Variants in NTRK1 observed in about 807,000 individuals in gnomAD.
The protein encoded by NTRK1 is neurotrophic receptor tyrosine kinase 1, also known as high affinity nerve growth factor receptor.
Under a neutral mutation model 86.8 loss-of-function variants are expected in NTRK1, and 62 were observed. That is an observed-to-expected ratio of 0.71 (90% confidence interval 0.58 to 0.88). The LOEUF (loss-of-function observed/expected upper bound fraction) is 0.88. Among genes scored for constraint, NTRK1 ranks in the 40% least tolerant of loss-of-function variants. NTRK1 has a pLI of 0.00. For synonymous variants in NTRK1, 469 were observed against 456.6 expected (o/e 1.03, Z -0.35); for missense variants, 967 against 1,078.4 (o/e 0.90, Z 1.45).
At chr1:156,845,343 C>G in intron 2 of NTRK1, 1 of 1,606,414 alleles carries the variant, frequency 6.2e-7, no homozygotes, top group Non-Finnish European at 8.5e-7. Flanking sequence ...AAAGCCACGC[C>G]CCTCAGCACC....
intron 2 of NTRK1, chr1:156,851,292 A>G (rs775912158): frequency 3.7e-6 from 6 of 1,614,110 alleles, no homozygotes; most frequent in Admixed American, 1.7e-5. Context: ...ACCCTTACCC[A>G]TCCACCATGG....
rs371254246 is a variant in NTRK1, at chr1:156,869,102, C to T, written c.717+455C>T. 5.2e-5 allele frequency among the ~76,000 whole-genome samples: 7 copies of T among 135,486 alleles called. No individual in the cohort carries two copies. The East Asian group carries it at 1.4e-3, about 27-fold the overall frequency. The allele number at this position is 135,486 out of a possible 152,430, so 88.9% of individuals were successfully genotyped here. On this transcript the variant is annotated intron_variant, in intron 6 of 16. Coordinates refer to ENST00000524377, the MANE Select transcript of NTRK1 (RefSeq NM_002529.4). ...TTCCTTCCTTCCTTTTATGGAGTTT[C>T]GCTCTGTTGCCCAGGCTGGAGTGCA...
intron 1 of NTRK1, chr1:156,841,061 G>A (rs779653748): frequency 2.3e-5 from 36 of 1,579,872 alleles, no homozygotes; most frequent in East Asian, 4.6e-5. Context: ...AAAGATGGGC[G>A]CAGGCGTGGG....
At chr1:156,876,668 G>T in intron 14 of NTRK1, 96 bp downstream of exon 14, 1 of 1,437,200 alleles carries the variant, frequency 7.0e-7, no homozygotes, top group Non-Finnish European at 9.5e-7. Flanking sequence ...TCAAACCAAG[G>T]GGAGACACCA....
intron 2 of NTRK1, among the ~76,000 whole-genome samples, chr1:156,850,188 C>T (rs781163857): frequency 1.3e-5 from 2 of 152,138 alleles, no homozygotes; most frequent in Non-Finnish European, 2.9e-5. Flanking sequence ...AGGCACGAGC[C>T]ACCGCATCTG....
rs962760831 is a variant in NTRK1, at chr1:156,864,583, G to C, written c.288-145G>C. On this transcript the variant is annotated intron_variant, in intron 2 of 16. Coordinates refer to ENST00000524377, the MANE Select transcript of NTRK1 (RefSeq NM_002529.4). ...GTCAGGAAGCTCAGGGCTTTGAGGG[G>C]TCTAGAGTAGTTGAGGAAACAATGA... 6.3e-6 allele frequency: 7 copies of C among 1,119,064 alleles called. No individual in the cohort carries two copies. In the East Asian group the frequency reaches 1.7e-4, roughly 28 times the overall value. The allele number at this position is 1,119,064 out of a possible 1,614,324, so 69.3% of individuals were successfully genotyped here.
intron 1 of NTRK1, among the ~76,000 whole-genome samples, chr1:156,862,260 C>T (rs889130820): frequency 1.3e-5 from 2 of 152,194 alleles, no homozygotes; most frequent in Non-Finnish European, 2.9e-5. Context: ...CTCAATCTCT[C>T]TCTCTAATAG....
At position 156,860,895 on chromosome 1, in the gene NTRK1, C is replaced by T; in HGVS notation, c.-40C>T. ...CCTGGCAGCTGCAGCTGGGAGCGCACAGACGGCTGCCCCGCCTGAGCGAGG... is the reference window on the plus strand; with the variant it reads ...CCTGGCAGCTGCAGCTGGGAGCGCATAGACGGCTGCCCCGCCTGAGCGAGG... On this transcript the variant is annotated 5_prime_UTR_variant, in exon 1 of 17. Coordinates refer to ENST00000524377, the MANE Select transcript of NTRK1 (RefSeq NM_002529.4). 1.4e-6 allele frequency: 2 copies of T among 1,409,870 alleles called. No individual in the cohort carries two copies. Among genetic ancestry groups the T allele is most frequent in the East Asian group, 2.9e-5 (1 of 34,832 alleles). The allele number at this position is 1,409,870 out of a possible 1,614,324, so 87.3% of individuals were successfully genotyped here. A position where few individuals can be genotyped will look rare whatever the true frequency, so the allele number is the denominator to read the frequency against.
intron 2 of NTRK1, chr1:156,845,487 C>T: frequency 1.3e-6 from 2 of 1,508,044 alleles, no homozygotes; most frequent in Non-Finnish European, 1.8e-6. Context: ...CGTACCGCCT[C>T]CAAAAGCACC....
At chr1:156,860,790 G>A, upstream of NTRK1, 2 of 1,328,216 alleles carry the variant, frequency 1.5e-6, no homozygotes, top group Non-Finnish European at 1.9e-6. Context: ...GGGCAAGGCG[G>A]GGCCGGGCGG....
intron 1 of NTRK1, among the ~76,000 whole-genome samples, chr1:156,820,898 G>T (rs1654170185): frequency 6.6e-6 from 1 of 152,150 alleles, no homozygotes; most frequent in Non-Finnish European, 1.5e-5. Flanking sequence ...TCACAATATT[G>T]ATTCTTACCA....
rs1009726086 is a variant in NTRK1 at position 156,881,499 on chromosome 1, C to G, written c.2248C>G (p.Arg750Gly). The G allele has an allele frequency of 6.3e-7, 1 of 1,591,558 alleles. No individual in the cohort carries two copies. The highest frequency in any genetic ancestry group is 1.1e-5 in the South Asian group (1 of 87,680). The change falls in exon 17 of 17, where the codon CGT becomes GGT. Residue 750 changes from arginine to glycine, a missense_variant. By Grantham distance (125) the Arg-to-Gly change is moderately radical (BLOSUM62 -2). Transcript: ENST00000524377. ...ITQGRELERP[R>G]ACPPEVYAIM... ...GCAGGGACGTGAGTTGGAGCGGCCA[C>G]GTGCCTGCCCACCAGAGGTCTACGC...
chr1:156,858,714 G>A (rs1347751186), upstream of NTRK1: 2 of 1,031,296 alleles, frequency 1.9e-6, no homozygotes, highest in Non-Finnish European at 3.0e-6. Flanking sequence ...CAGAGACCAG[G>A]GTTCAGATAG....
chr1:156,827,967 A>G lies in NTRK1; in HGVS notation c.-64+12129A>G, dbSNP rs546497798. Among the ~76,000 whole-genome samples, 13 of 152,048 alleles carry G rather than the reference A, an allele frequency of 8.5e-5. No homozygotes were observed. In the East Asian group the frequency reaches 2.3e-3, roughly 27 times the overall value. On this transcript the variant is annotated intron_variant, in intron 1 of 16. Transcript: ENST00000392302. ...CTTATTTCACAAAATGTTATATAGT[A>G]TATTAATATATCCTTTTTTTTATTT...
intron 1 of NTRK1, among the ~76,000 whole-genome samples, chr1:156,863,669 T>G (rs1003854213): frequency 1.3e-5 from 2 of 151,876 alleles, no homozygotes; most frequent in African/African-American, 4.8e-5. Flanking sequence ...TTTGTGTGTG[T>G]GTGTGTGTGT....
In NTRK1 at chr1:156,841,596, G is replaced by A. The variant is rs1190474302; in HGVS notation, c.-63-485G>A. ...TACTCAGTGCATTCCAAGGGATGGGGGTGTTCCAGGCCCCTCCCCAGATCC... is the reference window on the plus strand; with the variant it reads ...TACTCAGTGCATTCCAAGGGATGGGAGTGTTCCAGGCCCCTCCCCAGATCC... On this transcript the variant is annotated intron_variant, in intron 1 of 16. Coordinates refer to the NTRK1 transcript ENST00000392302. The A allele has an allele frequency of 1.9e-6, 3 of 1,610,506 alleles. No homozygotes were observed. The East Asian group carries it at 6.7e-5, about 36-fold the overall frequency.
upstream of NTRK1, chr1:156,858,462 T>G: frequency 2.7e-6 from 3 of 1,106,492 alleles, no homozygotes; most frequent in Non-Finnish European, 4.2e-6. Flanking sequence ...GTGCTGTGGC[T>G]GCAAGCTCAG....
At chr1:156,880,455 G>A (rs1208876012) in intron 16 of NTRK1, 1 of 460,760 alleles carries the variant, frequency 2.2e-6, no homozygotes, top group South Asian at 2.4e-5. Flanking sequence ...ATAGACCTAA[G>A]CAGGAATTAT....
At chr1:156,866,440 G>C (rs1161131614) in intron 3 of NTRK1, among the ~76,000 whole-genome samples, 1 of 152,214 alleles carries the variant, frequency 6.6e-6, no homozygotes, top group East Asian at 1.9e-4. Context: ...AGGAGGAGGA[G>C]GAGGGGAGCT....
Sources: allele counts gnomAD v4.1 joint callset (sites outside exome capture counted in the v4.1 genomes callset), GRCh38; gene constraint gnomAD v4.1.1; transcripts MANE v1.5; gene names NCBI Gene and HGNC (gene_info 2026-07-23, HGNC 2026-07-21).